The following CAMTA1 variants were observed in gnomAD, a reference collection of about 807,000 sequenced individuals.
CAMTA1 encodes calmodulin-binding transcription activator 1.
Under a neutral mutation model 170.9 loss-of-function variants are expected in CAMTA1, and 27 were observed. The observed-to-expected ratio is 0.16, with a 90% CI of 0.12 to 0.22. The LOEUF (loss-of-function observed/expected upper bound fraction) is 0.22. CAMTA1 is among the 10% of genes least tolerant of loss of function. CAMTA1 has a pLI of 1.00. For synonymous variants in CAMTA1, 833 were observed against 891.5 expected, an observed-to-expected ratio of 0.93 and a Z score of 1.17; for missense variants, 1,619 against 2,217.2, an observed-to-expected ratio of 0.73 and a Z score of 5.42.
chr1:7,053,198 T>G (rs987372021), intron 3 of CAMTA1, among the ~76,000 whole-genome samples: 48 of 152,158 alleles, frequency 3.2e-4, no homozygotes, highest in Admixed American at 2.9e-3. Context: ...CAGCGTCCCT[T>G]CCCTCTCCTG....
At chr1:7,551,466 G>A (rs2094802078) in intron 6 of CAMTA1, among the ~76,000 whole-genome samples, 1 of 152,172 alleles carries the variant, frequency 6.6e-6, no homozygotes, top group African/African-American at 2.4e-5. Context: ...CTCTCCATTC[G>A]TAACAGAGCA....
intron 1 of CAMTA1, among the ~76,000 whole-genome samples, chr1:6,803,925 G>C (rs533395827): frequency 6.6e-6 from 1 of 151,992 alleles, no homozygotes; most frequent in Non-Finnish European, 1.5e-5. Context: ...GCTCACGCCT[G>C]TAATCCCAGC....
At chr1:6,916,238 C>T (rs537396255) in intron 3 of CAMTA1, among the ~76,000 whole-genome samples, 2 of 152,162 alleles carry the variant, frequency 1.3e-5, no homozygotes, top group Non-Finnish European at 2.9e-5. Context: ...AGCTCCACCA[C>T]CTGTCAGCGC....
chr1:7,101,631 T>C (rs1642713382), intron 4 of CAMTA1, among the ~76,000 whole-genome samples: 2 of 152,266 alleles, frequency 1.3e-5, no homozygotes, highest in Admixed American at 6.5e-5. Context: ...CTTTGCGTTG[T>C]GTGTGTGAGC....
chr1:7,197,644 A>ACG (rs1655791902), intron 4 of CAMTA1, among the ~76,000 whole-genome samples: 1 of 127,412 alleles, frequency 7.8e-6, no homozygotes, highest in Admixed American at 7.7e-5. Context: ...ACACACACAC[A>ACG]CACACACACA....
At chr1:7,754,278 A>G (rs1221439266) in intron 21 of CAMTA1, among the ~76,000 whole-genome samples, 2 of 152,186 alleles carry the variant, frequency 1.3e-5, no homozygotes, top group African/African-American at 4.8e-5. Context: ...TTACCTTAAC[A>G]CCACTCTTCT....
intron 6 of CAMTA1, among the ~76,000 whole-genome samples, chr1:7,546,370 A>G (rs760760452): frequency 7.2e-5 from 11 of 152,206 alleles, no homozygotes; most frequent in African/African-American, 2.4e-4. Flanking sequence ...TCAATGGTGT[A>G]TATGTACCAC....
rs577573172 is a variant in CAMTA1 at position 7,570,096 on chromosome 1, G to A, written c.511-70304G>A. Reference sequence around the variant, plus strand: ...AGGGGTCCTGGGAGGCCTTGGGGCCGTCTTGCTTAATTCTACCGAGACCTT... The same window carrying A: ...AGGGGTCCTGGGAGGCCTTGGGGCCATCTTGCTTAATTCTACCGAGACCTT... On this transcript the variant is annotated intron_variant, in intron 6 of 22. Coordinates refer to ENST00000303635, the MANE Select transcript of CAMTA1 (RefSeq NM_015215.4). The surrounding 1 kb of genome is among the most constrained non-coding windows in gnomAD (Gnocchi z 4.3). 3.3e-4 allele frequency among the ~76,000 whole-genome samples: 50 copies of A among 152,330 alleles called. No individual in the cohort carries two copies. Among genetic ancestry groups the A allele is most frequent in the East Asian group, 2.5e-3 (13 of 5,184 alleles).
At chr1:6,986,665 C>T (rs934444828) in intron 3 of CAMTA1, among the ~76,000 whole-genome samples, 1 of 152,072 alleles carries the variant, frequency 6.6e-6, no homozygotes, top group Non-Finnish European at 1.5e-5. Flanking sequence ...CTGGTCACCC[C>T]ATTAACCCGG....
chr1:7,492,813 GCA>G (rs1174450033), intron 6 of CAMTA1, among the ~76,000 whole-genome samples: 5 of 124,634 alleles, frequency 4.0e-5, no homozygotes, highest in East Asian at 4.9e-4. Flanking sequence ...ACACATGCGC[GCA>G]CAGACACACA....
intron 5 of CAMTA1, among the ~76,000 whole-genome samples, chr1:7,440,820 G>C (rs1439354512): frequency 6.6e-6 from 1 of 152,192 alleles, no homozygotes; most frequent in Non-Finnish European, 1.5e-5. Context: ...TTCCTTAGCC[G>C]ATGGCGATGG....
Position 6,883,774 on chromosome 1 carries a change from A to G in CAMTA1, c.234+58564A>G, listed in dbSNP as rs538399101. On this transcript the variant is annotated intron_variant, in intron 3 of 22. Transcript: ENST00000303635. ...ATCAAGGTCAGGGGCTCTGCTGTACAGTAGCAGTGTCAGTGAGTCACGTGT... is the reference window on the plus strand; with the variant it reads ...ATCAAGGTCAGGGGCTCTGCTGTACGGTAGCAGTGTCAGTGAGTCACGTGT... 1.2e-4 allele frequency among the ~76,000 whole-genome samples: 18 copies of G among 152,290 alleles called. No homozygotes were observed. In the South Asian group the frequency reaches 3.7e-3, roughly 32 times the overall value.
chr1:7,098,412 C>T (rs1259400800), intron 4 of CAMTA1, among the ~76,000 whole-genome samples: 2 of 152,250 alleles, frequency 1.3e-5, no homozygotes, highest in Non-Finnish European at 2.9e-5. Flanking sequence ...GGCCAAAGGG[C>T]AACTGCAGGG....
intron 5 of CAMTA1, among the ~76,000 whole-genome samples, chr1:7,341,839 T>A (rs2149815215): frequency 6.6e-6 from 1 of 152,258 alleles, no homozygotes; most frequent in Non-Finnish European, 1.5e-5. Context: ...CAGAAGGGGC[T>A]CCAGGAGCTG....
At chr1:7,192,125 T>C (rs1246966973) in intron 4 of CAMTA1, among the ~76,000 whole-genome samples, 2 of 152,230 alleles carry the variant, frequency 1.3e-5, no homozygotes, top group East Asian at 1.9e-4. Flanking sequence ...GATGCATTTG[T>C]CTGTCTTCTT....
chr1:7,141,340 T>G (rs1645878215), intron 4 of CAMTA1, among the ~76,000 whole-genome samples: 1 of 152,244 alleles, frequency 6.6e-6, no homozygotes, highest in South Asian at 2.1e-4. Context: ...TTTCTTACTA[T>G]AGCTTTCTAA....
chr1:7,085,931 C>T (rs1001498432), intron 3 of CAMTA1, among the ~76,000 whole-genome samples: 1 of 152,182 alleles, frequency 6.6e-6, no homozygotes, highest in Non-Finnish European at 1.5e-5. Flanking sequence ...GCATCGCAGT[C>T]CCCAGTCCTG....
At chr1:7,575,992 T>C (rs573603754) in intron 6 of CAMTA1, among the ~76,000 whole-genome samples, 11 of 152,214 alleles carry the variant, frequency 7.2e-5, no homozygotes, top group African/African-American at 2.6e-4. Context: ...GGCTCAGCAC[T>C]GGGGCTCAGT....
chr1:7,239,245 GAAT>G (rs1225304433), intron 4 of CAMTA1, among the ~76,000 whole-genome samples: 1 of 152,084 alleles, frequency 6.6e-6, no homozygotes, highest in Admixed American at 6.6e-5. Context: ...TGTTACAAAT[GAAT>G]AATAATTCTA....
Sources: allele counts gnomAD v4.1 joint callset (sites outside exome capture counted in the v4.1 genomes callset), GRCh38; gene constraint gnomAD v4.1.1; non-coding constraint Gnocchi (gnomAD v3.1); transcripts MANE v1.5; gene names NCBI Gene and HGNC (gene_info 2026-07-23, HGNC 2026-07-21).